SORCS2: variants seen among roughly 807,000 people sequenced by gnomAD.
SORCS2 encodes VPS10 domain-containing receptor SorCS2.
Under a neutral mutation model 141.6 loss-of-function variants are expected in SORCS2, and 100 were observed. The ratio of observed to expected loss-of-function variants is 0.71; its 90% CI spans 0.60 to 0.83. SORCS2 has a LOEUF of 0.83. Ranked by LOEUF, SORCS2 falls within the 40% of genes least tolerant of loss-of-function variation. SORCS2 has a pLI of 0.00. For synonymous variants in SORCS2, 789 were observed against 676.9 expected (o/e 1.17, Z -2.57); for missense variants, 1,646 against 1,560.2 (o/e 1.05, Z -0.93).
chr4:7,362,465 A>G (rs1302932968), intron 1 of SORCS2, among the ~76,000 whole-genome samples: 1 of 152,174 alleles, frequency 6.6e-6, no homozygotes, highest in Admixed American at 6.5e-5. Context: ...GTTTTTCAAG[A>G]CGAATCCATT....
intron 5 of SORCS2, 67 bp downstream of exon 5, chr4:7,654,274 C>A (rs1015243576): frequency 1.0e-5 from 15 of 1,478,866 alleles, no homozygotes; most frequent in Admixed American, 2.0e-5. Context: ...TCCCCCAAAC[C>A]CTTGGGAGCC....
chr4:7,567,590 G>A (rs1715113457), intron 3 of SORCS2, among the ~76,000 whole-genome samples: 1 of 152,156 alleles, frequency 6.6e-6, no homozygotes, highest in African/African-American at 2.4e-5. Context: ...ACTTACCACT[G>A]TTGACACTGA....
chr4:7,433,085 C>T (rs1726995684), intron 2 of SORCS2: 3 of 387,352 alleles, frequency 7.7e-6, no homozygotes, highest in Non-Finnish European at 1.3e-5. Context: ...GGGAGCGGGG[C>T]ACATGAGTGT....
intron 1 of SORCS2, among the ~76,000 whole-genome samples, chr4:7,317,525 C>G (rs1029180399): frequency 6.6e-6 from 1 of 152,244 alleles, no homozygotes; most frequent in Admixed American, 6.5e-5. Context: ...GCCCAGGTGG[C>G]CACTTCTTCC....
chr4:7,638,973 A>T (rs1366059905), intron 4 of SORCS2, among the ~76,000 whole-genome samples: 1 of 152,050 alleles, frequency 6.6e-6, no homozygotes, highest in African/African-American at 2.4e-5. Context: ...AGCTGTGTCC[A>T]TGGGGTTCAG....
intron 3 of SORCS2, among the ~76,000 whole-genome samples, chr4:7,619,106 C>G (rs1560430630): frequency 6.6e-6 from 1 of 152,186 alleles, no homozygotes; most frequent in Non-Finnish European, 1.5e-5. Flanking sequence ...AGTTGGTGAG[C>G]CTCTCAGAGC....
chr4:7,455,097 G>A (rs1190456755), intron 2 of SORCS2, among the ~76,000 whole-genome samples: 6 of 96,698 alleles, frequency 6.2e-5, no homozygotes, highest in South Asian at 5.3e-4. Flanking sequence ...GTCAGGCACT[G>A]TGTTGGGGTC....
chr4:7,462,326 C>G (rs1560305208), intron 2 of SORCS2, among the ~76,000 whole-genome samples: 1 of 152,170 alleles, frequency 6.6e-6, no homozygotes, highest in Non-Finnish European at 1.5e-5. Flanking sequence ...CTTCATGAGC[C>G]TCAGCTTGTT....
At chr4:7,727,030 G>T in intron 21 of SORCS2, 127 bp downstream of exon 21, 30 of 1,136,188 alleles carry the variant, frequency 2.6e-5, no homozygotes, top group Non-Finnish European at 3.1e-5. Context: ...GGTGGGGAGG[G>T]AGGGGCTGGA....
chr4:7,341,168 G>T (rs1372101234), intron 1 of SORCS2, among the ~76,000 whole-genome samples: 1 of 152,386 alleles, frequency 6.6e-6, no homozygotes, highest in East Asian at 1.9e-4. Context: ...TGCAGGAAAT[G>T]TTGGCGGATG....
intron 1 of SORCS2, among the ~76,000 whole-genome samples, chr4:7,387,837 CAT>C (rs1723537325): frequency 1.4e-5 from 1 of 70,242 alleles, no homozygotes; most frequent in Non-Finnish European, 2.6e-5. Context: ...CATGCACATA[CAT>C]ACACATGCAC....
chr4:7,455,169 T>TGTGTTTTGGGGTCAGGC (rs1728806188), intron 2 of SORCS2, among the ~76,000 whole-genome samples: 1 of 17,024 alleles, frequency 5.9e-5, no homozygotes, highest in Non-Finnish European at 1.1e-4. Flanking sequence ...TGGGGTCAGG[T>TGTGTTTTGGGGTCAGGC]GCTGTGTGTT....
intron 2 of SORCS2, among the ~76,000 whole-genome samples, chr4:7,475,311 G>T (rs1055100862): frequency 2.0e-5 from 3 of 152,162 alleles, no homozygotes; most frequent in African/African-American, 7.2e-5. Flanking sequence ...GGTCATGGTG[G>T]GAAGACAAGG....
At chr4:7,628,273 A>C (rs1409989275) in intron 3 of SORCS2, among the ~76,000 whole-genome samples, 2 of 152,306 alleles carry the variant, frequency 1.3e-5, no homozygotes, top group South Asian at 4.1e-4. Flanking sequence ...CTGTAATCCC[A>C]GCACCTTCGG....
Position 7,201,954 on chromosome 4 carries a change from T to G in SORCS2, c.480+8828T>G, listed in dbSNP as rs1311586596. The stretch of plus-strand genomic sequence containing the variant: ...AGCTTTGGAAAGGTGAAGGCATGTG[T>G]TCTGCATTGGTTCACATCCTGCTTT... On this transcript the variant is annotated intron_variant, in intron 1 of 26. Coordinates refer to ENST00000507866, the MANE Select transcript of SORCS2 (RefSeq NM_020777.3). This position sits in a 1 kb window ranked among gnomAD's most constrained non-coding sequence, Gnocchi z 4.4. Among the ~76,000 whole-genome samples, 1 of 152,048 alleles carries G rather than the reference T, an allele frequency of 6.6e-6. No individual in the cohort carries two copies. The highest frequency in any genetic ancestry group is 1.5e-5 in the Non-Finnish European group (1 of 68,004).
chr4:7,676,301 C>T (rs971848187), intron 9 of SORCS2, 72 bp downstream of exon 9: 54 of 1,440,778 alleles, frequency 3.7e-5, no homozygotes, highest in Non-Finnish European at 4.9e-5. Context: ...CCCACCTCTT[C>T]CTCCCCCCTC....
chr4:7,351,709 C>CCATCCAT (rs76181180), intron 1 of SORCS2, among the ~76,000 whole-genome samples: 5,157 of 151,304 alleles, frequency 0.034, 94 homozygotes, highest in Middle Eastern at 0.051. Flanking sequence ...ATCCATCCAT[C>CCATCCAT]CTTCTACCCA....
intron 1 of SORCS2, among the ~76,000 whole-genome samples, chr4:7,248,436 C>T (rs1211993540): frequency 6.6e-6 from 1 of 152,210 alleles, no homozygotes; most frequent in Non-Finnish European, 1.5e-5. Context: ...TCTGGACCTC[C>T]AATTCCTCAT....
chr4:7,229,500 G>T (rs569443644), intron 1 of SORCS2, among the ~76,000 whole-genome samples: 8 of 152,220 alleles, frequency 5.3e-5, no homozygotes, highest in Non-Finnish European at 8.8e-5. Context: ...GAGAGTCCAC[G>T]CTGGAGAGCA....
Sources: gnomAD v4.1 joint callset for allele counts (sites outside exome capture counted in the v4.1 genomes callset) on GRCh38, gnomAD v4.1.1 for gene constraint, Gnocchi (gnomAD v3.1) non-coding constraint, MANE v1.5 for transcripts, NCBI Gene and HGNC (gene_info 2026-07-23, HGNC 2026-07-21) for gene names.